Variants in COL5A1 observed in about 807,000 individuals in gnomAD.
COL5A1 encodes the protein collagen alpha-1(V) chain.
COL5A1 carries 16 observed loss-of-function variants against 263.7 expected under a neutral mutation model. That is an observed-to-expected ratio of 0.06 (90% confidence interval 0.04 to 0.09). COL5A1 has a LOEUF of 0.09. COL5A1 is among the 10% of genes least tolerant of loss of function. COL5A1 has a pLI of 1.00. For missense variants in COL5A1, 2,036 were observed against 2,540.5 expected, an observed-to-expected ratio of 0.80 and a Z score of 4.27; for synonymous variants, 1,012 against 1,004.5, an observed-to-expected ratio of 1.01 and a Z score of -0.14.
At chr9:134,784,898 C>A in intron 29 of COL5A1, 91 bp from the exon 30 acceptor site, 1 of 1,093,360 alleles carries the variant, frequency 9.1e-7, no homozygotes, top group Non-Finnish European at 1.4e-6. Context: ...TGCCTGTGAC[C>A]TGTCCCCTTG....
rs1175397328 is a variant in COL5A1 at position 134,784,853 on chromosome 9, GA to G, written c.2485-135del. ...CCGGGAGCAGCTCCGTGGTCTGAGT[GA>G]GGCCGAGCTGGTGGAGCAGCTCTGA... is the stretch of plus-strand genomic sequence containing the variant. On this transcript the variant is annotated intron_variant, in intron 29 of 65. Coordinates refer to ENST00000371817, the MANE Select transcript of COL5A1 (RefSeq NM_000093.5). The G allele has an allele frequency of 8.6e-5, 62 of 718,536 alleles. 1 individual carries two copies. Among genetic ancestry groups the G allele is most frequent in the Non-Finnish European group, 1.0e-5 (4 of 400,628 alleles). The allele number at this position is 718,536 out of a possible 1,614,324, so 44.5% of individuals were successfully genotyped here. A position where few individuals can be genotyped will look rare whatever the true frequency, so the allele number is the denominator to read the frequency against.
At chr9:134,661,640 C>T (rs1013580024) in intron 1 of COL5A1, among the ~76,000 whole-genome samples, 7 of 152,120 alleles carry the variant, frequency 4.6e-5, no homozygotes, top group Non-Finnish European at 8.8e-5. Context: ...CCCCCCTCCC[C>T]ATGCAACCCT....
chr9:134,816,757 C>T (rs1838762542), intron 52 of COL5A1, among the ~76,000 whole-genome samples: 1 of 152,220 alleles, frequency 6.6e-6, no homozygotes, highest in African/African-American at 2.4e-5. Context: ...GGGGACCGAA[C>T]CGTCATTGTG....
At position 134,765,789 on chromosome 9, in the gene COL5A1, G is replaced by A. The variant is rs529416487; in HGVS notation, c.2088+55G>A. 37 of 1,478,198 alleles carry A rather than the reference G, an allele frequency of 2.5e-5. No homozygotes were observed. In the African/African-American group the frequency reaches 2.6e-4, roughly 11 times the overall value. The allele number at this position is 1,478,198 out of a possible 1,614,324, so 91.6% of individuals were successfully genotyped here. A position where few individuals can be genotyped will look rare whatever the true frequency, so the allele number is the denominator to read the frequency against. ...CCCCCATCTCGGCCTTTGAGACCCC[G>A]CCTCCCAGCCGGTGGACGCTTGGGC... On this transcript the variant is annotated intron_variant, in intron 21 of 65. Coordinates refer to ENST00000371817, the MANE Select transcript of COL5A1 (RefSeq NM_000093.5). The surrounding 1 kb of genome is among the most constrained non-coding windows in gnomAD (Gnocchi z 5.1).
chr9:134,751,032 G>C, intron 13 of COL5A1, 150 bp downstream of exon 13: 2 of 736,950 alleles, frequency 2.7e-6, no homozygotes, highest in Non-Finnish European at 4.7e-6. Context: ...CAGGAGCTGT[G>C]GGAGCGTCCA....
chr9:134,815,937 T>A lies in COL5A1; in HGVS notation c.4071T>A (p.Gly1357=). The stretch of plus-strand genomic sequence containing the variant: ...GGAGCTCGCTTTTGCCTCCATAGGG[T>A]CAAGATGGTCCCCCTGGTGACAAAG... ...PGPPGEPGPA[G]QDGPPGDKGD... is the part of the protein sequence containing the mutation. The change falls in exon 52 of 66, where the codon GGT becomes GGA. Residue 1357 remains glycine, a splice_region_variant and synonymous_variant. Coordinates refer to ENST00000371817, the MANE Select transcript of COL5A1 (RefSeq NM_000093.5). 2 of 1,613,906 alleles carry A rather than the reference T, an allele frequency of 1.2e-6. No homozygotes were observed. Among genetic ancestry groups the A allele is most frequent in the Non-Finnish European group, 1.7e-6 (2 of 1,179,976 alleles).
At chr9:134,738,089 G>C (rs1835168250) in intron 9 of COL5A1, among the ~76,000 whole-genome samples, 1 of 152,178 alleles carries the variant, frequency 6.6e-6, no homozygotes, top group Non-Finnish European at 1.5e-5. Flanking sequence ...CCTTGTCCTG[G>C]CATCCACCTC....
chr9:134,835,223 G>T lies in COL5A1; in HGVS notation c.5370+19G>T. The stretch of plus-strand genomic sequence containing the variant: ...CTGTGCTGTGAGTATCCCGCGCCGC[G>T]CCCAGCACCCCTGCTCACGCCTCCG... On this transcript the variant is annotated intron_variant, in intron 65 of 65. Coordinates refer to ENST00000371817, the MANE Select transcript of COL5A1 (RefSeq NM_000093.5). 1.2e-6 allele frequency: 2 copies of T among 1,603,984 alleles called. No individual in the cohort carries two copies. The highest frequency in any genetic ancestry group is 1.7e-6 in the Non-Finnish European group (2 of 1,172,542).
chr9:134,822,786 G>A, intron 59 of COL5A1: 1 of 655,702 alleles, frequency 1.5e-6, no homozygotes, highest in East Asian at 2.7e-5. Flanking sequence ...GCCGGGGGCA[G>A]GTAGGACCAC....
At position 134,763,726 on chromosome 9, in the gene COL5A1, C is replaced by A; in HGVS notation, c.2023C>A (p.Pro675Thr). The change falls in exon 20 of 66, where the codon CCT (proline) becomes ACT (threonine). Residue 675 changes from proline (P) to threonine (T), a missense_variant. Transcript: ENST00000371817. ...CGGAGAAGTTGGGCCCAGGGGGCTG[C>A]CTGGGGAGCCCGTAAGTCTGTGAGC... Reference protein sequence around the residue: ...DDGEVGPRGLPGEPGPRGLLG... With the variant: ...DDGEVGPRGLTGEPGPRGLLG... 1 of 1,613,620 alleles carries A rather than the reference C, an allele frequency of 6.2e-7. No homozygotes were observed.
chr9:134,677,437 A>G lies in COL5A1; in HGVS notation c.110-13475A>G, dbSNP rs946029234. On this transcript the variant is annotated intron_variant, in intron 1 of 65. Coordinates refer to ENST00000371817, the MANE Select transcript of COL5A1 (RefSeq NM_000093.5). The surrounding 1 kb of genome is among the most constrained non-coding windows in gnomAD (Gnocchi z 4.4). ...GTTTCTCACTGCCTTCTAAATCCCG[A>G]ATCTGCCCACACAGGCAGGAATCCA... Among the ~76,000 whole-genome samples, 2 of 152,142 alleles carry G rather than the reference A, an allele frequency of 1.3e-5. No homozygotes were observed. Among genetic ancestry groups the G allele is most frequent in the Non-Finnish European group, 2.9e-5 (2 of 68,026 alleles).
intron 1 of COL5A1, among the ~76,000 whole-genome samples, chr9:134,689,772 G>A (rs879521212): frequency 6.6e-5 from 10 of 152,302 alleles, no homozygotes; most frequent in Middle Eastern, 6.8e-3. Context: ...GGCCAACCCC[G>A]TCCACATCTA....
chr9:134,649,081 G>A (rs1365564945), intron 1 of COL5A1, among the ~76,000 whole-genome samples: 1 of 145,972 alleles, frequency 6.9e-6, no homozygotes, highest in Non-Finnish European at 1.5e-5. Flanking sequence ...GGTGGGTGAA[G>A]TTGGTGCGGG....
chr9:134,842,307 C>T lies in COL5A1; in HGVS notation c.*4C>T, dbSNP rs1251838768. On this transcript the variant is annotated 3_prime_UTR_variant, in exon 66 of 66. Coordinates refer to ENST00000371817, the MANE Select transcript of COL5A1 (RefSeq NM_000093.5). The surrounding 1 kb of genome is among the most constrained non-coding windows in gnomAD (Gnocchi z 5.8). The stretch of plus-strand genomic sequence containing the variant: ...GCCGGCTTGCTTCATGGGCTAGGAG[C>T]CGCCGAGCCCGGGCTCCCGAGAGCA... 15 of 1,614,048 alleles carry T rather than the reference C, an allele frequency of 9.3e-6. No individual in the cohort carries two copies. The highest frequency in any genetic ancestry group is 1.3e-5 in the Non-Finnish European group (15 of 1,179,992).
At chr9:134,683,007 G>A (rs1029246635) in intron 1 of COL5A1, among the ~76,000 whole-genome samples, 4 of 152,160 alleles carry the variant, frequency 2.6e-5, no homozygotes, top group African/African-American at 4.8e-5. Flanking sequence ...TCGTAGGAGC[G>A]TGCGATCCCA....
Position 134,754,339 on chromosome 9 carries a change from A to G in COL5A1, c.1827+13A>G, listed in dbSNP as rs924815233. Reference sequence around the variant, plus strand: ...GCCCGGAAGACGGGTGAGTGGTGCGAGTGTGTGTGGTTTAGTGACAGCAGC... The same window carrying G: ...GCCCGGAAGACGGGTGAGTGGTGCGGGTGTGTGTGGTTTAGTGACAGCAGC... On this transcript the variant is annotated intron_variant, in intron 16 of 65. Transcript: ENST00000371817. This position sits in a 1 kb window ranked among gnomAD's most constrained non-coding sequence, Gnocchi z 4.3. 1 of 1,613,864 alleles carries G rather than the reference A, an allele frequency of 6.2e-7. No homozygotes were observed. Among genetic ancestry groups the G allele is most frequent in the African/African-American group, 1.3e-5 (1 of 75,042 alleles).
In COL5A1 at chr9:134,741,185, C is replaced by T. The variant is rs117055888; in HGVS notation, c.1494+2377C>T. On this transcript the variant is annotated intron_variant, in intron 11 of 65. Coordinates refer to ENST00000371817, the MANE Select transcript of COL5A1 (RefSeq NM_000093.5). This position sits in a 1 kb window ranked among gnomAD's most constrained non-coding sequence, Gnocchi z 4.5. ...CCCTGCAGTGCAGCCTGCGGTGGGC[C>T]GGGCTCAGGTGCCTGTGCGGCGGAG... 0.03 allele frequency among the ~76,000 whole-genome samples: 4,531 copies of T among 152,284 alleles called. 99 individuals carry two copies. Among genetic ancestry groups the T allele is most frequent in the Non-Finnish European group, 0.045 (3,040 of 68,020 alleles).
At chr9:134,707,099 C>T in intron 4 of COL5A1, among the ~76,000 whole-genome samples, 1 of 152,162 alleles carries the variant, frequency 6.6e-6, no homozygotes, top group Non-Finnish European at 1.5e-5. Context: ...GTGCCTCTGC[C>T]TTGAGGCCTG....
At chr9:134,653,814 G>T (rs148363714) in intron 1 of COL5A1, among the ~76,000 whole-genome samples, 142 of 151,792 alleles carry the variant, frequency 9.4e-4, no homozygotes, top group African/African-American at 3.1e-3. Flanking sequence ...GGATCTGTAG[G>T]GCTGGGGGTG....
Sources: gnomAD v4.1 joint callset for allele counts (sites outside exome capture counted in the v4.1 genomes callset) on GRCh38, gnomAD v4.1.1 for gene constraint, Gnocchi (gnomAD v3.1) non-coding constraint, MANE v1.5 for transcripts, NCBI Gene and HGNC (gene_info 2026-07-23, HGNC 2026-07-21) for gene names.